Variants in ST14 observed in about 807,000 individuals in gnomAD.
ST14 encodes the protein suppressor of tumorigenicity 14 protein.
A neutral mutation model predicts 96.5 loss-of-function variants in ST14; 40 were observed. The observed-to-expected ratio is 0.41, with a 90% CI of 0.32 to 0.54. ST14 has a LOEUF of 0.54. Ranked by LOEUF, ST14 falls within the 20% of genes least tolerant of loss-of-function variation. The pLI is 0.17. For missense variants in ST14, 1,066 were observed against 1,188.9 expected (o/e 0.90, Z 1.52); for synonymous variants, 506 against 492.1 (o/e 1.03, Z -0.37).
chr11:130,207,794 T>C (rs752104029), intron 16 of ST14, among the ~76,000 whole-genome samples: 7 of 152,154 alleles, frequency 4.6e-5, no homozygotes, highest in Non-Finnish European at 8.8e-5. Flanking sequence ...TTATTTGGGC[T>C]GGGCGTGGTG....
Position 130,188,097 on chromosome 11 carries a change from C to G in ST14, c.82-17C>G. On this transcript the variant is annotated splice_polypyrimidine_tract_variant and intron_variant, in intron 1 of 18. Coordinates refer to ENST00000278742, the MANE Select transcript of ST14 (RefSeq NM_021978.4). This position sits in a 1 kb window ranked among gnomAD's most constrained non-coding sequence, Gnocchi z 5.4. ...GCGGGTGAGAGGGTCTGAGTGGTGG[C>G]GCCTCTCTCCCTGCAGAAAGTGAAT... 1 of 1,613,632 alleles carries G rather than the reference C, an allele frequency of 6.2e-7. No homozygotes were observed. The highest frequency in any genetic ancestry group is 1.1e-5 in the South Asian group (1 of 91,028).
rs989874124 is a variant in ST14, at chr11:130,173,053, G to A, written c.81+12993G>A. Among the ~76,000 whole-genome samples, 10 of 152,288 alleles carry A rather than the reference G, an allele frequency of 6.6e-5. No individual in the cohort carries two copies. The East Asian group carries it at 1.7e-3, about 27-fold the overall frequency. On this transcript the variant is annotated intron_variant, in intron 1 of 18. Coordinates refer to ENST00000278742, the MANE Select transcript of ST14 (RefSeq NM_021978.4). ...ACCACGCGAGTGGTCAGGACTGAGA[G>A]CCCTGAGCTGCTGGGGCAAATACTT...
At chr11:130,208,771 C>A in intron 17 of ST14, 87 bp downstream of exon 17, 1 of 1,468,828 alleles carries the variant, frequency 6.8e-7, no homozygotes, top group Non-Finnish European at 9.1e-7. Flanking sequence ...GGTCTCGGGG[C>A]GGGGGGCTGC....
At chr11:130,164,320 T>C (rs1178000204) in intron 1 of ST14, among the ~76,000 whole-genome samples, 1 of 152,216 alleles carries the variant, frequency 6.6e-6, no homozygotes, top group Non-Finnish European at 1.5e-5. Context: ...ACTAACTGTG[T>C]ACCTAGTCCT....
At chr11:130,208,375 T>A (rs1232720640) in intron 16 of ST14, 35 bp from the exon 17 acceptor site, 1 of 1,613,480 alleles carries the variant, frequency 6.2e-7, no homozygotes, top group Non-Finnish European at 8.5e-7. Flanking sequence ...CAGACCCGAG[T>A]GACCGCGCAG....
At position 130,175,303 on chromosome 11, in the gene ST14, G is replaced by T. The variant is rs146890038; in HGVS notation, c.82-12811G>T. The stretch of plus-strand genomic sequence containing the variant: ...AGAACATATCTTGGCTGATTGGTGG[G>T]TTTTTTTTTGTTTTTTTGTTTTTGA... On this transcript the variant is annotated intron_variant, in intron 1 of 18. Transcript: ENST00000278742. Among the ~76,000 whole-genome samples the T allele has an allele frequency of 1.2e-3, 181 of 150,922 alleles. 1 individual carries two copies. The highest frequency in any genetic ancestry group is 4.2e-3 in the African/African-American group (173 of 41,158).
chr11:130,188,056 G>C lies in ST14; in HGVS notation c.82-58G>C. Reference sequence around the variant, plus strand: ...ACAAAATGTGAACATCTTCCCCAGCGGGGTGCAGGGGAAGAGCGGGTGAGA... The same window carrying C: ...ACAAAATGTGAACATCTTCCCCAGCCGGGTGCAGGGGAAGAGCGGGTGAGA... On this transcript the variant is annotated intron_variant, in intron 1 of 18. Coordinates refer to ENST00000278742, the MANE Select transcript of ST14 (RefSeq NM_021978.4). This position sits in a 1 kb window ranked among gnomAD's most constrained non-coding sequence, Gnocchi z 5.4. The C allele has an allele frequency of 2.5e-6, 4 of 1,596,928 alleles. No homozygotes were observed. The highest frequency in any genetic ancestry group is 3.4e-6 in the Non-Finnish European group (4 of 1,167,742).
At position 130,196,437 on chromosome 11, in the gene ST14, C is replaced by T. The variant is rs1953364962; in HGVS notation, c.1212C>T (p.Ile404=). 9.9e-6 allele frequency: 16 copies of T among 1,608,630 alleles called. No individual in the cohort carries two copies. The highest frequency in any genetic ancestry group is 1.4e-5 in the Non-Finnish European group (16 of 1,177,716). The change falls in exon 10 of 19, where the codon ATC becomes ATT. Residue 404 remains isoleucine (I), a synonymous_variant. Transcript: ENST00000278742. The stretch of plus-strand genomic sequence containing the variant: ...CCTGCCCCAAGGACTACGTGGAGAT[C>T]AACGGGGAGAAGTGAGTCCCCGGGG... ...AGTCPKDYVE[I]NGEKYCGERS...
intron 7 of ST14, among the ~76,000 whole-genome samples, chr11:130,192,656 T>A (rs1953316005): frequency 6.6e-6 from 1 of 152,248 alleles, no homozygotes; most frequent in African/African-American, 2.4e-5. Flanking sequence ...CCTCCCAAAG[T>A]ACTGGGATTA....
rs201904955 is a variant in ST14 at position 130,185,863 on chromosome 11, AG to A, written c.82-2250del. On this transcript the variant is annotated intron_variant, in intron 1 of 18. Transcript: ENST00000278742. Reference sequence around the variant, plus strand: ...TACCCTGTCACCCAGGCCGGAGTTCAGTGGCGCAATCTCAGCTCACTGCAAC... The same window carrying A: ...TACCCTGTCACCCAGGCCGGAGTTCATGGCGCAATCTCAGCTCACTGCAAC... 6.5e-3 allele frequency among the ~76,000 whole-genome samples: 993 copies of A among 152,166 alleles called. 7 individuals carry two copies. The highest frequency in any genetic ancestry group is 0.022 in the African/African-American group (932 of 41,506).
rs372412578 is a variant in ST14 at position 130,182,870 on chromosome 11, C to T, written c.82-5244C>T. ...TTCCCCATGTTGGCCAGGCTGGTCT[C>T]GAACTCCTGACCTAGGTGATCCACC... On this transcript the variant is annotated intron_variant, in intron 1 of 18. Coordinates refer to ENST00000278742, the MANE Select transcript of ST14 (RefSeq NM_021978.4). Among the ~76,000 whole-genome samples the T allele has an allele frequency of 1.5e-4, 23 of 150,442 alleles. No individual in the cohort carries two copies. In the East Asian group the frequency reaches 2.8e-3, roughly 18 times the overall value.
In ST14 at chr11:130,159,909, C is replaced by T. The variant is rs1952985629; in HGVS notation, c.-71C>T. 8 of 987,010 alleles carry T rather than the reference C, an allele frequency of 8.1e-6. No homozygotes were observed. Among genetic ancestry groups the T allele is most frequent in the Non-Finnish European group, 1.0e-5 (8 of 768,446 alleles). The allele number at this position is 987,010 out of a possible 1,614,324, so 61.1% of individuals were successfully genotyped here. ...CGCCGCCTGCGCCCCGCGCCCCGCG[C>T]CCTGCGGGCCATGGGAGCCGGCCGC... On this transcript the variant is annotated 5_prime_UTR_variant, in exon 1 of 19. Transcript: ENST00000278742.
At chr11:130,160,932 G>A (rs1952994261) in intron 1 of ST14, among the ~76,000 whole-genome samples, 1 of 152,164 alleles carries the variant, frequency 6.6e-6, no homozygotes, top group Non-Finnish European at 1.5e-5. Flanking sequence ...GCGCTGAGAG[G>A]CAGGGGCTGT....
At position 130,196,558 on chromosome 11, in the gene ST14, C is replaced by T. The variant is rs781037447; in HGVS notation, c.1224-12C>T. The T allele has an allele frequency of 2.0e-6, 3 of 1,468,494 alleles. No individual in the cohort carries two copies. In the African/African-American group the frequency reaches 7.6e-5, roughly 37 times the overall value. The allele number at this position is 1,468,494 out of a possible 1,614,324, so 91.0% of individuals were successfully genotyped here. On this transcript the variant is annotated splice_polypyrimidine_tract_variant and intron_variant, in intron 10 of 18. Coordinates refer to ENST00000278742, the MANE Select transcript of ST14 (RefSeq NM_021978.4). ...CTGTCCCTCCTCACCTTGTGCCCCG[C>T]CCCCCCTCCAGATACTGCGGAGAGA... is the stretch of plus-strand genomic sequence containing the variant.
chr11:130,187,720 G>A lies in ST14; in HGVS notation c.82-394G>A, dbSNP rs941645079. ...CAGGGGTACCAGTTGCCAGTCATGG[G>A]CCTGGGCTGGGGCCACTCTCCGGGG... On this transcript the variant is annotated intron_variant, in intron 1 of 18. Coordinates refer to ENST00000278742, the MANE Select transcript of ST14 (RefSeq NM_021978.4). The surrounding 1 kb of genome is among the most constrained non-coding windows in gnomAD (Gnocchi z 4.5). Among the ~76,000 whole-genome samples the A allele has an allele frequency of 1.3e-5, 2 of 152,188 alleles. No homozygotes were observed. The highest frequency in any genetic ancestry group is 2.9e-5 in the Non-Finnish European group (2 of 68,032).
Position 130,198,288 on chromosome 11 carries a change from C to T in ST14, c.1460-20C>T. On this transcript the variant is annotated intron_variant, in intron 12 of 18. Coordinates refer to ENST00000278742, the MANE Select transcript of ST14 (RefSeq NM_021978.4). ...GAGTGATGAGGGCCTCACGGCCGACCTCCCCTTACCCCACTCCAGGTTGCG... is the reference window on the plus strand; with the variant it reads ...GAGTGATGAGGGCCTCACGGCCGACTTCCCCTTACCCCACTCCAGGTTGCG... 6.2e-7 allele frequency: 1 copy of T among 1,611,322 alleles called. No individual in the cohort carries two copies. The highest frequency in any genetic ancestry group is 8.5e-7 in the Non-Finnish European group (1 of 1,177,502).
chr11:130,191,102 G>A (rs1405765931), intron 7 of ST14, among the ~76,000 whole-genome samples: 6 of 152,248 alleles, frequency 3.9e-5, no homozygotes, highest in Non-Finnish European at 7.3e-5. Context: ...TGTAATCTCA[G>A]CGCTTTGGGA....
At chr11:130,183,101 C>T (rs188698042) in intron 1 of ST14, among the ~76,000 whole-genome samples, 4 of 151,848 alleles carry the variant, frequency 2.6e-5, no homozygotes, top group African/African-American at 4.8e-5. Flanking sequence ...GGATTACAGG[C>T]GTCCACGACC....
rs1448130410 is a variant in ST14 at position 130,159,928 on chromosome 11, C to T, written c.-52C>T. 50 of 1,157,202 alleles carry T rather than the reference C, an allele frequency of 4.3e-5. No homozygotes were observed. Among genetic ancestry groups the T allele is most frequent in the Non-Finnish European group, 4.9e-5 (45 of 913,414 alleles). 71.7% of individuals were successfully genotyped at this position (1,157,202 alleles called of 1,614,324 possible). On this transcript the variant is annotated 5_prime_UTR_variant, in exon 1 of 19. Coordinates refer to ENST00000278742, the MANE Select transcript of ST14 (RefSeq NM_021978.4). ...CCCGCGCCCTGCGGGCCATGGGAGCCGGCCGCCGGCAGGGACGACGCCTGT... is the reference window on the plus strand; with the variant it reads ...CCCGCGCCCTGCGGGCCATGGGAGCTGGCCGCCGGCAGGGACGACGCCTGT...
Sources: gnomAD v4.1 joint callset for allele counts (sites outside exome capture counted in the v4.1 genomes callset) on GRCh38, gnomAD v4.1.1 for gene constraint, Gnocchi (gnomAD v3.1) non-coding constraint, MANE v1.5 for transcripts, NCBI Gene and HGNC (gene_info 2026-07-23, HGNC 2026-07-21) for gene names.